Variants in CCDC191 observed in about 807,000 individuals in gnomAD.
CCDC191 encodes the protein coiled-coil domain-containing protein 191.
In CCDC191, 99 loss-of-function variants were observed where a neutral mutation model predicts 114.0. That is an observed-to-expected ratio of 0.87 (90% confidence interval 0.74 to 1.03). CCDC191 has a LOEUF of 1.03. Ranked by LOEUF, CCDC191 falls within the 50% of genes least tolerant of loss-of-function variation. CCDC191 has a pLI of 0.00. For synonymous variants in CCDC191, 351 were observed against 376.0 expected, an observed-to-expected ratio of 0.93 and a Z score of 0.77; for missense variants, 973 against 1,087.0, an observed-to-expected ratio of 0.90 and a Z score of 1.47.
At chr3:114,047,121 A>G in intron 2 of CCDC191, 1 of 983,600 alleles carries the variant, frequency 1.0e-6, no homozygotes, top group South Asian at 4.7e-5. Flanking sequence ...TATGAACCAG[A>G]GGTAGAGTAA....
At chr3:113,997,353 A>G (rs535248977) in intron 13 of CCDC191, among the ~76,000 whole-genome samples, 2 of 152,304 alleles carry the variant, frequency 1.3e-5, no homozygotes, top group Admixed American at 6.5e-5. Context: ...TAGATTCAGA[A>G]TGATTACAGA....
At chr3:114,023,597 C>A (rs1305884754) in intron 7 of CCDC191, among the ~76,000 whole-genome samples, 1 of 152,136 alleles carries the variant, frequency 6.6e-6, no homozygotes, top group Admixed American at 6.5e-5. Context: ...CAAAAACAAG[C>A]AATGGGGAAA....
intron 13 of CCDC191, among the ~76,000 whole-genome samples, chr3:113,994,744 C>T (rs916153581): frequency 6.6e-6 from 1 of 152,042 alleles, no homozygotes; most frequent in Non-Finnish European, 1.5e-5. Flanking sequence ...TCACCACACC[C>T]GGCTAATTTC....
chr3:114,001,696 C>T lies in CCDC191; in HGVS notation c.2062G>A (p.Ala688Thr). 6.2e-7 allele frequency: 1 copy of T among 1,613,666 alleles called. No individual in the cohort carries two copies. Among genetic ancestry groups the T allele is most frequent in the South Asian group, 1.1e-5 (1 of 91,052 alleles). Residue 688 changes from alanine to threonine, a missense_variant and splice_region_variant, in exon 13 of 17, where the codon GCC becomes ACC. Transcript: ENST00000295878. ...KKKKQEEEKL[A>T]QLKAQEEERQ... ...TCCTCCTCTTGGGCCTTTAACTGGG[C>T]CTGATTGAGATTAGAACCCAGAAAT...
intron 10 of CCDC191, among the ~76,000 whole-genome samples, 192 bp from the exon 11 acceptor site, chr3:114,004,938 C>T (rs936800848): frequency 3.3e-5 from 5 of 152,170 alleles, no homozygotes; most frequent in African/African-American, 1.2e-4. Context: ...TGAGTCTACA[C>T]AGTGAGTCAG....
In CCDC191 at chr3:114,044,355, T is replaced by C. The variant is rs548315445; in HGVS notation, c.272-1509A>G. Among the ~76,000 whole-genome samples the C allele has an allele frequency of 2.0e-5, 3 of 152,330 alleles. No homozygotes were observed. The South Asian group carries it at 6.2e-4, about 32-fold the overall frequency. On this transcript the variant is annotated intron_variant, in intron 3 of 16. Transcript: ENST00000295878. ...CATTTGGATTTCTTTCTTAATGCTATTAAGAAAATTTCCTGAAATTATTTA... is the reference window on the plus strand; with the variant it reads ...CATTTGGATTTCTTTCTTAATGCTACTAAGAAAATTTCCTGAAATTATTTA...
At chr3:114,048,427 G>A (rs541325319) in intron 2 of CCDC191, among the ~76,000 whole-genome samples, 1 of 152,250 alleles carries the variant, frequency 6.6e-6, no homozygotes, top group East Asian at 1.9e-4. Flanking sequence ...GTCCTGCCAC[G>A]CAGCCCTTTG....
chr3:114,005,136 C>T (rs539834554), intron 10 of CCDC191, among the ~76,000 whole-genome samples: 1 of 152,312 alleles, frequency 6.6e-6, no homozygotes, highest in East Asian at 1.9e-4. Context: ...CAAATTTAAG[C>T]TAGGAAATAA....
At chr3:114,034,518 T>A (rs1381714210) in intron 6 of CCDC191, among the ~76,000 whole-genome samples, 1 of 151,698 alleles carries the variant, frequency 6.6e-6, no homozygotes, top group East Asian at 1.9e-4. Flanking sequence ...TACAAAAGAG[T>A]GAAAAAACTC....
intron 9 of CCDC191, 141 bp from the exon 10 acceptor site, chr3:114,006,103 G>A (rs1263442631): frequency 1.3e-6 from 1 of 770,994 alleles, no homozygotes; most frequent in Non-Finnish European, 2.2e-6. Flanking sequence ...CTCCTGGCCT[G>A]GCTACCTCAG....
intron 9 of CCDC191, among the ~76,000 whole-genome samples, chr3:114,006,731 G>A (rs2075978101): frequency 6.6e-6 from 1 of 151,292 alleles, no homozygotes; most frequent in South Asian, 2.1e-4. Context: ...TCTCGAGAAT[G>A]TCTGAAAACC....
intron 4 of CCDC191, among the ~76,000 whole-genome samples, chr3:114,038,624 T>C (rs2076519390): frequency 1.3e-5 from 2 of 152,222 alleles, no homozygotes; most frequent in Admixed American, 1.3e-4. Context: ...TCTATTCCTT[T>C]GGGTATATAC....
intron 16 of CCDC191, among the ~76,000 whole-genome samples, chr3:113,975,039 C>T (rs898414253): frequency 1.3e-5 from 2 of 152,112 alleles, no homozygotes; most frequent in African/African-American, 4.8e-5. Flanking sequence ...AGCTGGGTCC[C>T]ATAAACTCCT....
At chr3:114,005,991 A>C (rs372465291) in intron 9 of CCDC191, 29 bp from the exon 10 acceptor site, 1 of 1,576,284 alleles carries the variant, frequency 6.3e-7, no homozygotes, top group East Asian at 2.2e-5. Flanking sequence ...TTATAGCTCA[A>C]CTATTTAAAG....
At chr3:114,055,814 A>C (rs1177901926) in intron 1 of CCDC191, among the ~76,000 whole-genome samples, 1 of 152,228 alleles carries the variant, frequency 6.6e-6, no homozygotes, top group Non-Finnish European at 1.5e-5. Flanking sequence ...AATGGGTGAT[A>C]GATACGGAGA....
intron 7 of CCDC191, among the ~76,000 whole-genome samples, chr3:114,025,307 G>A (rs184606187): frequency 2.8e-5 from 4 of 143,706 alleles, no homozygotes; most frequent in Admixed American, 1.4e-4. Flanking sequence ...TCTAAAAGCA[G>A]AAACAAAGAA....
intron 13 of CCDC191, among the ~76,000 whole-genome samples, chr3:113,996,408 C>A (rs1352918383): frequency 6.6e-6 from 1 of 152,144 alleles, no homozygotes; most frequent in Non-Finnish European, 1.5e-5. Context: ...TGTTAAAGAT[C>A]AGATGGTTGT....
chr3:114,056,561 G>T, upstream of CCDC191: 2 of 1,605,140 alleles, frequency 1.2e-6, no homozygotes, highest in Non-Finnish European at 1.7e-6. Flanking sequence ...TAGTTCCTCC[G>T]CCCGCAAGGA....
At chr3:114,029,003 T>C (rs1182843491) in intron 7 of CCDC191, among the ~76,000 whole-genome samples, 7 of 151,720 alleles carry the variant, frequency 4.6e-5, no homozygotes, top group Admixed American at 4.6e-4. Flanking sequence ...TTTAGCTCTG[T>C]CTGCTGAGGC....
Sources: gnomAD v4.1 joint callset for allele counts (sites outside exome capture counted in the v4.1 genomes callset) on GRCh38, gnomAD v4.1.1 for gene constraint, MANE v1.5 for transcripts, NCBI Gene and HGNC (gene_info 2026-07-23, HGNC 2026-07-21) for gene names.